Variants in SAMD4A observed in about 807,000 individuals in gnomAD.
The protein encoded by SAMD4A is sterile alpha motif domain containing 4A, also known as protein Smaug homolog 1.
Under a neutral mutation model 81.3 loss-of-function variants are expected in SAMD4A, and 33 were observed. The observed-to-expected ratio is 0.41, with a 90% confidence interval of 0.31 to 0.54. The LOEUF is 0.54. SAMD4A is among the 20% of genes least tolerant of loss of function. The pLI, the probability that SAMD4A is intolerant of heterozygous loss-of-function variation, is 0.37. For synonymous variants in SAMD4A, 389 were observed against 382.1 expected, an observed-to-expected ratio of 1.02 and a Z score of -0.21; for missense variants, 854 against 951.1, an observed-to-expected ratio of 0.90 and a Z score of 1.34.
intron 2 of SAMD4A, among the ~76,000 whole-genome samples, chr14:54,656,119 G>T (rs1037203097): frequency 2.0e-5 from 3 of 152,066 alleles, no homozygotes; most frequent in African/African-American, 7.2e-5. Context: ...GTGGAAAAAC[G>T]AACACAAATC....
chr14:54,640,025 T>A (rs1168822210), intron 2 of SAMD4A, among the ~76,000 whole-genome samples: 1 of 148,496 alleles, frequency 6.7e-6, no homozygotes, highest in African/African-American at 2.5e-5. Flanking sequence ...CTATGTTTGA[T>A]AAAAAAAAAA....
chr14:54,724,435 A>C (rs928816294), intron 3 of SAMD4A, among the ~76,000 whole-genome samples: 1 of 152,220 alleles, frequency 6.6e-6, no homozygotes, highest in Admixed American at 6.5e-5. Flanking sequence ...TTCAGAGAGC[A>C]TTAAATGAGG....
At chr14:54,641,106 G>A (rs902534416) in intron 2 of SAMD4A, among the ~76,000 whole-genome samples, 6 of 152,136 alleles carry the variant, frequency 3.9e-5, no homozygotes, top group African/African-American at 1.4e-4. Flanking sequence ...CACTCAGAGG[G>A]AATTCCACTT....
rs138434913 is a variant in SAMD4A at position 54,702,032 on chromosome 14, C to T, written c.197-30C>T. On this transcript the variant is annotated intron_variant, in intron 2 of 12. Coordinates refer to ENST00000554335, the MANE Select transcript of SAMD4A (RefSeq NM_015589.6). ...TTTAGAGTCACTGTGGGTGTATTTG[C>T]TTATTTGCCGTGTATATTTCCCTTT... The T allele has an allele frequency of 2.1e-5, 34 of 1,606,016 alleles. 1 individual carries two copies. The East Asian group carries it at 6.9e-4, about 33-fold the overall frequency.
At chr14:54,760,974 C>A (rs1047427846) in intron 7 of SAMD4A, among the ~76,000 whole-genome samples, 2 of 130,688 alleles carry the variant, frequency 1.5e-5, no homozygotes, top group Non-Finnish European at 3.2e-5. Flanking sequence ...TTGGCAGTGG[C>A]CTCTCTCCTC....
At chr14:54,605,559 G>A (rs1000088827) in intron 2 of SAMD4A, among the ~76,000 whole-genome samples, 36 of 152,168 alleles carry the variant, frequency 2.4e-4, no homozygotes, top group Non-Finnish European at 1.0e-4. Flanking sequence ...AAACCTCACA[G>A]GGATGAGAAT....
At chr14:54,782,642 G>A (rs2039027473) in intron 11 of SAMD4A, among the ~76,000 whole-genome samples, 1 of 152,152 alleles carries the variant, frequency 6.6e-6, no homozygotes, top group Non-Finnish European at 1.5e-5. Flanking sequence ...CCGGAACATG[G>A]GTCAGGAAGA....
At chr14:54,716,308 A>T (rs903045344) in intron 3 of SAMD4A, among the ~76,000 whole-genome samples, 14 of 152,186 alleles carry the variant, frequency 9.2e-5, no homozygotes, top group Non-Finnish European at 1.6e-4. Context: ...AGAGGCCTCG[A>T]TCGATAGGTA....
chr14:54,743,299 T>A (rs565144746), intron 4 of SAMD4A, among the ~76,000 whole-genome samples: 67 of 152,306 alleles, frequency 4.4e-4, no homozygotes, highest in African/African-American at 1.3e-3. Flanking sequence ...TAAATGTGCT[T>A]TATTTTTGTT....
chr14:54,742,505 A>G (rs1445483988), intron 4 of SAMD4A, among the ~76,000 whole-genome samples: 1 of 152,176 alleles, frequency 6.6e-6, no homozygotes, highest in East Asian at 1.9e-4. Flanking sequence ...GCATAATATT[A>G]CACTTACCTG....
intron 2 of SAMD4A, among the ~76,000 whole-genome samples, chr14:54,596,780 G>A (rs988354466): frequency 1.2e-4 from 19 of 152,130 alleles, no homozygotes; most frequent in Admixed American, 9.2e-4. Flanking sequence ...AGGGAACCAC[G>A]AGATGTAGTC....
Position 54,737,070 on chromosome 14 carries a change from C to A in SAMD4A, c.762C>A (p.Ser254=). Residue 254 remains serine, a synonymous_variant, in exon 4 of 13, where the codon TCC becomes TCA. Transcript: ENST00000554335. ...AHHSPLKRSV[S]LTPPMNVPNQ... ...ACAGCCCTTTGAAACGATCTGTGTC[C>A]CTTACCCCACCCATGAATGTGCCAA... The A allele has an allele frequency of 6.2e-7, 1 of 1,614,036 alleles. No individual in the cohort carries two copies. Among genetic ancestry groups the A allele is most frequent in the Non-Finnish European group, 8.5e-7 (1 of 1,179,992 alleles).
At chr14:54,750,442 A>C (rs1274094748) in intron 5 of SAMD4A, among the ~76,000 whole-genome samples, 1 of 152,188 alleles carries the variant, frequency 6.6e-6, no homozygotes, top group East Asian at 1.9e-4. Flanking sequence ...CTATCAGGAA[A>C]TTTGCAGTAT....
At position 54,754,915 on chromosome 14, in the gene SAMD4A, C is replaced by T. The variant is rs771445110; in HGVS notation, c.1176+3378C>T. On this transcript the variant is annotated intron_variant, in intron 6 of 12. Transcript: ENST00000554335. ...GATTAACCGTGAGTCATACATGGTTCCTGCAATGGGGAGCTGGGGACGTGC... is the reference window on the plus strand; with the variant it reads ...GATTAACCGTGAGTCATACATGGTTTCTGCAATGGGGAGCTGGGGACGTGC... 1.5e-5 allele frequency: 13 copies of T among 896,390 alleles called. No individual in the cohort carries two copies. The South Asian group carries it at 5.6e-4, about 39-fold the overall frequency. The allele number at this position is 896,390 out of a possible 1,614,324, so 55.5% of individuals were successfully genotyped here.
rs2036741282 is a variant in SAMD4A at position 54,702,371 on chromosome 14, T to A, written c.506T>A (p.Val169Glu). 6 of 1,614,024 alleles carry A rather than the reference T, an allele frequency of 3.7e-6. No homozygotes were observed. The highest frequency in any genetic ancestry group is 5.1e-6 in the Non-Finnish European group (6 of 1,180,002). The stretch of plus-strand genomic sequence containing the variant: ...CAGAACCGAGGCCGCTCAGACTCTG[T>A]GGATTATGGACAGACACACTACTAT... The part of the protein sequence containing the change: ...GGQNRGRSDS[V>E]DYGQTHYYHQ... The change falls in exon 3 of 13, where the codon GTG (valine) becomes GAG (glutamate). Residue 169 changes from valine (V) to glutamate (E), a missense_variant. Around this residue, in one of 3 missense-constraint regions of SAMD4A, gnomAD observed 387 missense variants for 405.8 expected, o/e 0.95. Transcript: ENST00000554335.
chr14:54,726,131 C>T (rs939810429), intron 3 of SAMD4A, among the ~76,000 whole-genome samples: 2 of 152,030 alleles, frequency 1.3e-5, no homozygotes, highest in Non-Finnish European at 2.9e-5. Flanking sequence ...CTCTCACCAG[C>T]TGAATTTCCA....
intron 4 of SAMD4A, among the ~76,000 whole-genome samples, chr14:54,744,905 A>T (rs939713483): frequency 2.6e-5 from 4 of 152,160 alleles, no homozygotes; most frequent in African/African-American, 9.7e-5. Flanking sequence ...CTGATCTCAA[A>T]TGGAGTTTAC....
chr14:54,736,080 C>T (rs1264944803), intron 3 of SAMD4A, among the ~76,000 whole-genome samples: 1 of 152,212 alleles, frequency 6.6e-6, no homozygotes, highest in African/African-American at 2.4e-5. Flanking sequence ...TCACTTTACA[C>T]ACCAGAAAAA....
At chr14:54,640,559 T>C (rs2035151175) in intron 2 of SAMD4A, among the ~76,000 whole-genome samples, 1 of 152,208 alleles carries the variant, frequency 6.6e-6, no homozygotes, top group African/African-American at 2.4e-5. Context: ...GCAGTTTTGT[T>C]TGCAGACTTT....
Sources: allele counts gnomAD v4.1 joint callset (sites outside exome capture counted in the v4.1 genomes callset), GRCh38; gene constraint gnomAD v4.1.1; regional missense constraint gnomAD v4.1.1; transcripts MANE v1.5; gene names NCBI Gene and HGNC (gene_info 2026-07-23, HGNC 2026-07-21).